Variants in NELL1 observed in about 807,000 individuals in gnomAD.
The protein encoded by NELL1 is protein kinase C-binding protein NELL1.
In NELL1, 76 loss-of-function variants were observed where a neutral mutation model predicts 107.4. The observed-to-expected ratio is 0.71, with a 90% confidence interval of 0.59 to 0.86. The LOEUF is 0.86. Ranked by LOEUF, NELL1 falls within the 40% of genes least tolerant of loss-of-function variation. The pLI, the probability that NELL1 is intolerant of heterozygous loss-of-function variation, is 0.00. For synonymous variants in NELL1, 353 were observed against 341.2 expected (o/e 1.03, Z -0.38); for missense variants, 1,024 against 1,005.5 (o/e 1.02, Z -0.25).
chr11:20,911,485 C>G (rs1850130313), intron 5 of NELL1, among the ~76,000 whole-genome samples: 1 of 152,190 alleles, frequency 6.6e-6, no homozygotes, highest in Non-Finnish European at 1.5e-5. Context: ...AAAGTCTTTG[C>G]TCCTTCATTC....
At chr11:20,858,214 A>T (rs115984939) in intron 4 of NELL1, among the ~76,000 whole-genome samples, 2,720 of 152,264 alleles carry the variant, frequency 0.018, 69 homozygotes, top group African/African-American at 0.062. Context: ...ATGGAGCCTG[A>T]GGTACCCCTA....
intron 15 of NELL1, among the ~76,000 whole-genome samples, chr11:21,409,693 C>T (rs73473051): frequency 0.015 from 2,329 of 151,934 alleles, 61 homozygotes; most frequent in African/African-American, 0.051. Context: ...ATAGATTTTC[C>T]GTCTCGAAAT....
At chr11:20,938,460 A>G (rs1206637231) in intron 10 of NELL1, among the ~76,000 whole-genome samples, 1 of 152,208 alleles carries the variant, frequency 6.6e-6, no homozygotes, top group Admixed American at 6.5e-5. Flanking sequence ...AGTAAGAATT[A>G]AACAAACGTA....
At chr11:21,116,318 T>C (rs553280236) in intron 13 of NELL1, among the ~76,000 whole-genome samples, 2 of 152,098 alleles carry the variant, frequency 1.3e-5, no homozygotes, top group East Asian at 3.9e-4. Flanking sequence ...TCTGAAAGGT[T>C]AGAGTACCCT....
intron 3 of NELL1, among the ~76,000 whole-genome samples, chr11:20,837,249 T>C (rs987486645): frequency 5.3e-5 from 8 of 152,148 alleles, no homozygotes; most frequent in African/African-American, 1.9e-4. Context: ...AAATTGATGG[T>C]AGATCATGGG....
chr11:20,939,935 T>C (rs937618998), intron 10 of NELL1, among the ~76,000 whole-genome samples: 1 of 152,166 alleles, frequency 6.6e-6, no homozygotes, highest in Non-Finnish European at 1.5e-5. Flanking sequence ...TTTCTGTATT[T>C]TATGATTATT....
chr11:20,821,361 A>G (rs1296802037), intron 3 of NELL1, among the ~76,000 whole-genome samples: 1 of 152,132 alleles, frequency 6.6e-6, no homozygotes, highest in Non-Finnish European at 1.5e-5. Flanking sequence ...CTCCTACACT[A>G]CAGTAAGATG....
chr11:20,759,821 G>C lies in NELL1; in HGVS notation c.185-23859G>C, dbSNP rs1180747724. On this transcript the variant is annotated intron_variant, in intron 2 of 19. Transcript: ENST00000357134. ...CACTTTGACCAGAATCCAGCCCTCT[G>C]GGGGAGCAGAGTGTTCCTGGGTCCA... 1.8e-4 allele frequency among the ~76,000 whole-genome samples: 28 copies of C among 152,134 alleles called. 1 individual carries two copies. Among genetic ancestry groups the C allele is most frequent in the Admixed American group, 1.8e-3 (28 of 15,276 alleles).
At chr11:21,270,090 A>G (rs9988848) in intron 14 of NELL1, among the ~76,000 whole-genome samples, 2,915 of 152,232 alleles carry the variant, frequency 0.019, 38 homozygotes, top group Non-Finnish European at 0.031. Flanking sequence ...AGAATATCAT[A>G]AAATGATTAA....
At chr11:21,028,069 G>A (rs187643168) in intron 12 of NELL1, among the ~76,000 whole-genome samples, 103 of 152,280 alleles carry the variant, frequency 6.8e-4, no homozygotes, top group Non-Finnish European at 1.2e-3. Context: ...TGAAGAACGA[G>A]CTGAAAATAG....
intron 5 of NELL1, among the ~76,000 whole-genome samples, chr11:20,888,520 A>G (rs1849555604): frequency 6.6e-6 from 1 of 151,930 alleles, no homozygotes; most frequent in Non-Finnish European, 1.5e-5. Flanking sequence ...TCCAGATAGT[A>G]AACAGAGATA....
At position 21,127,214 on chromosome 11, in the gene NELL1, G is replaced by A. The variant is rs183986266; in HGVS notation, c.1426+13500G>A. On this transcript the variant is annotated intron_variant, in intron 13 of 19. Coordinates refer to ENST00000357134, the MANE Select transcript of NELL1 (RefSeq NM_006157.5). ...CACAGAGAGACAGGTAAAGAAAATA[G>A]CAAGTTTAATACAATTATAAAAAGG... is the stretch of plus-strand genomic sequence containing the variant. Among the ~76,000 whole-genome samples, 5 of 152,124 alleles carry A rather than the reference G, an allele frequency of 3.3e-5. No individual in the cohort carries two copies. The East Asian group carries it at 9.7e-4, about 29-fold the overall frequency.
chr11:21,145,949 A>G (rs138478395), intron 13 of NELL1, among the ~76,000 whole-genome samples: 120 of 152,312 alleles, frequency 7.9e-4, no homozygotes, highest in East Asian at 1.4e-3. Flanking sequence ...CCCAGGGCCT[A>G]GAACAAAGTA....
chr11:21,050,098 G>A (rs942947514), intron 12 of NELL1, among the ~76,000 whole-genome samples: 12 of 152,096 alleles, frequency 7.9e-5, no homozygotes, highest in African/African-American at 2.4e-4. Flanking sequence ...AGCTTTCAGA[G>A]GCGATGAATA....
At chr11:20,742,892 AG>A (rs1171582744) in intron 2 of NELL1, among the ~76,000 whole-genome samples, 1 of 152,090 alleles carries the variant, frequency 6.6e-6, no homozygotes, top group East Asian at 1.9e-4. Context: ...CAGGTAGGGG[AG>A]GGAAGAGCTC....
chr11:20,859,215 C>T (rs1405837121), intron 4 of NELL1, among the ~76,000 whole-genome samples: 1 of 152,208 alleles, frequency 6.6e-6, no homozygotes, highest in Non-Finnish European at 1.5e-5. Context: ...AAGAACTGGA[C>T]ATAGCTAGAG....
intron 5 of NELL1, among the ~76,000 whole-genome samples, chr11:20,898,477 G>A (rs1849799841): frequency 6.6e-6 from 1 of 151,824 alleles, no homozygotes; most frequent in African/African-American, 2.4e-5. Context: ...GTTAAATGAT[G>A]AGTTACTGGG....
chr11:21,018,617 G>A lies in NELL1; in HGVS notation c.1300+58057G>A, dbSNP rs1205584417. Among the ~76,000 whole-genome samples the A allele has an allele frequency of 2.0e-5, 3 of 152,110 alleles. No individual in the cohort carries two copies. The East Asian group carries it at 5.8e-4, about 30-fold the overall frequency. On this transcript the variant is annotated intron_variant, in intron 12 of 19. Coordinates refer to ENST00000357134, the MANE Select transcript of NELL1 (RefSeq NM_006157.5). ...ACTGCTGTTTCTTTCAATGTGGTAG[G>A]CACATTAGATTATGACCTCCTGCTG... is the stretch of plus-strand genomic sequence containing the variant.
intron 15 of NELL1, among the ~76,000 whole-genome samples, chr11:21,403,710 G>A (rs1852154188): frequency 6.6e-6 from 1 of 151,452 alleles, no homozygotes. Flanking sequence ...GAAGGAGAGA[G>A]CAGTCTTTGA....
Sources: allele counts gnomAD v4.1 joint callset (sites outside exome capture counted in the v4.1 genomes callset), GRCh38; gene constraint gnomAD v4.1.1; transcripts MANE v1.5; gene names NCBI Gene and HGNC (gene_info 2026-07-23, HGNC 2026-07-21).